The following CHD2 variants were observed in gnomAD, a reference collection of about 807,000 sequenced individuals.
CHD2 encodes ATP-dependent chromatin remodeler CHD2.
In CHD2, 28 loss-of-function variants were observed where a neutral mutation model predicts 243.9. That is an observed-to-expected ratio of 0.11 (90% CI 0.09 to 0.16). CHD2 has a LOEUF of 0.16. CHD2 is among the 10% of genes least tolerant of loss of function. The pLI is 1.00. For synonymous variants in CHD2, 775 were observed against 779.0 expected, an observed-to-expected ratio of 0.99 and a Z score of 0.09; for missense variants, 1,386 against 2,209.8, an observed-to-expected ratio of 0.63 and a Z score of 7.47.
chr15:93,020,538 AATT>A, intron 38 of CHD2: 1 of 586,248 alleles, frequency 1.7e-6, no homozygotes, highest in Non-Finnish European at 3.0e-6. Flanking sequence ...CAACAACCAA[AATT>A]ATTAAGCTCT....
At chr15:92,932,682 T>C (rs537546718) in intron 5 of CHD2, among the ~76,000 whole-genome samples, 41 of 152,322 alleles carry the variant, frequency 2.7e-4, no homozygotes, top group African/African-American at 9.6e-4. Flanking sequence ...ATTGATGTTT[T>C]TGAAGAATGC....
intron 38 of CHD2, chr15:93,022,220 G>C (rs1434438193): frequency 6.6e-6 from 1 of 152,232 alleles, no homozygotes; most frequent in Non-Finnish European, 1.5e-5. Flanking sequence ...CTTCTGGAGA[G>C]GCCTCAGGGA....
Position 93,019,979 on chromosome 15 carries a change from G to T in CHD2, c.4907-33G>T, listed in dbSNP as rs781560016. 7 of 1,573,308 alleles carry T rather than the reference G, an allele frequency of 4.4e-6. No homozygotes were observed. In the East Asian group the frequency reaches 6.8e-5, roughly 15 times the overall value. On this transcript the variant is annotated intron_variant, in intron 37 of 38. Coordinates refer to ENST00000394196, the MANE Select transcript of CHD2 (RefSeq NM_001271.4). ...TGAAAGTGAAATTCATCCATTTCTT[G>T]CAGTCATCAGATCATTCTTTCTTTT...
At position 92,942,857 on chromosome 15, in the gene CHD2, A is replaced by G; in HGVS notation, c.841A>G (p.Thr281Ala). 6 of 1,611,544 alleles carry G rather than the reference A, an allele frequency of 3.7e-6. No homozygotes were observed. The highest frequency in any genetic ancestry group is 5.1e-6 in the Non-Finnish European group (6 of 1,179,180). The change falls in exon 9 of 39, where the codon ACT (threonine) becomes GCT (alanine). Residue 281 changes from threonine (T) to alanine (A), a missense_variant. Coordinates refer to ENST00000394196, the MANE Select transcript of CHD2 (RefSeq NM_001271.4). ...TCCTTTTGCAGCCACTGGAGCATCTACTACTGTATATGCGATTGAAGCTAA... is the reference window on the plus strand; with the variant it reads ...TCCTTTTGCAGCCACTGGAGCATCTGCTACTGTATATGCGATTGAAGCTAA... Reference protein sequence around the residue: ...LGKKGATGASTTVYAIEANGD... With the variant: ...LGKKGATGASATVYAIEANGD...
At chr15:92,967,300 T>A (rs747716261) in intron 16 of CHD2, 25 bp from the exon 17 acceptor site, 20 of 1,496,822 alleles carry the variant, frequency 1.3e-5, no homozygotes, top group Non-Finnish European at 1.8e-5. Flanking sequence ...TGTGGCTAAA[T>A]AACACTATAC....
intron 26 of CHD2, 130 bp from the exon 27 acceptor site, chr15:92,991,346 G>C: frequency 1.9e-6 from 1 of 534,598 alleles, no homozygotes. Context: ...TTTTTTGGTA[G>C]TGCAAGGATT....
At chr15:92,995,646 T>C (rs925096263) in intron 28 of CHD2, among the ~76,000 whole-genome samples, 2 of 152,004 alleles carry the variant, frequency 1.3e-5, no homozygotes, top group Admixed American at 1.3e-4. Flanking sequence ...CAATTCACAC[T>C]TCCCCCCTAG....
intron 5 of CHD2, among the ~76,000 whole-genome samples, chr15:92,931,278 A>G (rs182887757): frequency 6.6e-5 from 10 of 152,368 alleles, no homozygotes; most frequent in Admixed American, 2.0e-4. Flanking sequence ...AAAAAAATTA[A>G]TTCCAAACTT....
intron 26 of CHD2, among the ~76,000 whole-genome samples, chr15:92,988,589 T>C (rs999398324): frequency 4.6e-5 from 7 of 152,192 alleles, no homozygotes; most frequent in Non-Finnish European, 1.0e-4. Flanking sequence ...AACAATGGAT[T>C]CTCTATTTTG....
intron 17 of CHD2, among the ~76,000 whole-genome samples, chr15:92,968,029 A>G (rs917307815): frequency 2.0e-5 from 3 of 152,040 alleles, no homozygotes; most frequent in African/African-American, 7.3e-5. Context: ...TTTGGGATCA[A>G]CGTAAGCTCC....
At chr15:92,924,685 A>G (rs1459385131) in intron 3 of CHD2, 133 bp downstream of exon 3, 5 of 678,376 alleles carry the variant, frequency 7.4e-6, no homozygotes, top group Admixed American at 2.5e-5. Context: ...AATATACAGT[A>G]GTATATCTGA....
In CHD2 at chr15:92,997,033, A is replaced by G. The variant is rs768542034; in HGVS notation, c.3672A>G (p.Gln1224=). 2.5e-6 allele frequency: 4 copies of G among 1,613,910 alleles called. No homozygotes were observed. The African/African-American group carries it at 5.3e-5, about 22-fold the overall frequency. ...GVQVNVKSII[Q]HEEEFEMLHK... ...AGGTTAATGTGAAATCCATTATCCA[A>G]CATGAAGAGGAGTTTGAGATGCTGC... Residue 1224 remains glutamine (Q), a synonymous_variant, in exon 29 of 39, where the codon CAA becomes CAG. Coordinates refer to ENST00000394196, the MANE Select transcript of CHD2 (RefSeq NM_001271.4). The surrounding 1 kb of genome is among the most constrained non-coding windows in gnomAD (Gnocchi z 4.1).
intron 24 of CHD2, among the ~76,000 whole-genome samples, chr15:92,983,207 C>T (rs1004102347): frequency 1.1e-4 from 17 of 152,186 alleles, no homozygotes; most frequent in African/African-American, 4.1e-4. Context: ...GTCCATTGCA[C>T]TGTTTCAGCT....
intron 33 of CHD2, among the ~76,000 whole-genome samples, chr15:93,003,478 T>TA (rs1229360379): frequency 6.6e-6 from 1 of 151,342 alleles, no homozygotes; most frequent in African/African-American, 2.4e-5. Flanking sequence ...AGTAAAATAT[T>TA]AAAAAAATAA....
chr15:92,927,513 C>G (rs1371103849), intron 4 of CHD2, among the ~76,000 whole-genome samples, 183 bp downstream of exon 4: 1 of 152,118 alleles, frequency 6.6e-6, no homozygotes, highest in African/African-American at 2.4e-5. Flanking sequence ...ATAAAAGAAT[C>G]TAACCAGAAA....
intron 26 of CHD2, among the ~76,000 whole-genome samples, chr15:92,987,839 T>TA (rs1250758371): frequency 1.3e-5 from 2 of 151,896 alleles, no homozygotes; most frequent in African/African-American, 4.8e-5. Context: ...CCATTTTAAT[T>TA]ACCTTAAAAA....
At chr15:92,916,703 G>A (rs537332398) in intron 2 of CHD2, among the ~76,000 whole-genome samples, 67 of 152,264 alleles carry the variant, frequency 4.4e-4, no homozygotes, top group Admixed American at 1.6e-3. Context: ...ACAGGCGCGT[G>A]CCACCACGCC....
At chr15:93,010,768 C>T (rs1194622943) in intron 35 of CHD2, among the ~76,000 whole-genome samples, 1 of 152,208 alleles carries the variant, frequency 6.6e-6, no homozygotes, top group Non-Finnish European at 1.5e-5. Flanking sequence ...AAATCTCTTT[C>T]CATTAATCAC....
intron 28 of CHD2, among the ~76,000 whole-genome samples, chr15:92,996,722 A>G (rs1174796253): frequency 1.3e-5 from 2 of 152,236 alleles, no homozygotes; most frequent in Non-Finnish European, 2.9e-5. Context: ...TTAAAATACA[A>G]CTATAAACAT....
Sources: allele counts gnomAD v4.1 joint callset (sites outside exome capture counted in the v4.1 genomes callset), GRCh38; gene constraint gnomAD v4.1.1; non-coding constraint Gnocchi (gnomAD v3.1); transcripts MANE v1.5; gene names NCBI Gene and HGNC (gene_info 2026-07-23, HGNC 2026-07-21).